The following CLCNKA variants were observed in gnomAD, a reference collection of about 807,000 sequenced individuals.
CLCNKA encodes the protein chloride voltage-gated channel Ka.
In CLCNKA, 66 loss-of-function variants were observed where a neutral mutation model predicts 83.3. The observed-to-expected ratio is 0.79, with a 90% CI of 0.65 to 0.97. The LOEUF is 0.97. CLCNKA is among the 50% of genes least tolerant of loss of function. The probability of loss-of-function intolerance (pLI) is 0.00; values close to 1 mark genes in which losing one functional copy is unlikely to be tolerated. For missense variants in CLCNKA, 806 were observed against 888.7 expected (o/e 0.91, Z 1.18); for synonymous variants, 357 against 370.4 (o/e 0.96, Z 0.42).
intron 7 of CLCNKA, among the ~76,000 whole-genome samples, 165 bp from the exon 8 acceptor site, chr1:16,027,145 C>T (rs1049197615): frequency 5.3e-4 from 80 of 152,312 alleles, no homozygotes; most frequent in African/African-American, 1.8e-3. Context: ...CAGCGGGGTC[C>T]TCCCCGCCCA....
chr1:16,026,714 C>T lies in CLCNKA; in HGVS notation c.594C>T (p.Asn198=), dbSNP rs1570300620. ...TCCCCCAGAACAAGAGCAAGCAAAA[C>T]GAAATGCTGGTGGCAGCGGCGGCAG... ...IGEPENKSKQ[N]EMLVAAAAVG... The change falls in exon 7 of 20, where the codon AAC becomes AAT. Residue 198 remains asparagine, a synonymous_variant. Coordinates refer to ENST00000331433, the MANE Select transcript of CLCNKA (RefSeq NM_004070.4). The T allele has an allele frequency of 1.2e-6, 2 of 1,613,808 alleles. No homozygotes were observed. Among genetic ancestry groups the T allele is most frequent in the South Asian group, 1.1e-5 (1 of 91,064 alleles).
chr1:16,031,229 T>C (rs2022611758), intron 15 of CLCNKA, among the ~76,000 whole-genome samples: 1 of 152,206 alleles, frequency 6.6e-6, no homozygotes, highest in South Asian at 2.1e-4. Flanking sequence ...TCTGAACCTG[T>C]TTCCCCATCG....
rs1343562711 is a variant in CLCNKA, at chr1:16,033,276, A to C, written c.2016+20A>C. 1.9e-6 allele frequency: 3 copies of C among 1,613,040 alleles called. No individual in the cohort carries two copies. The African/African-American group carries it at 4.0e-5, about 22-fold the overall frequency. ...GTGGAGGTACCAGGGTCCCGGGGGCAGAGCAAAGCAGGGGACCCATGCCTG... is the reference window on the plus strand; with the variant it reads ...GTGGAGGTACCAGGGTCCCGGGGGCCGAGCAAAGCAGGGGACCCATGCCTG... On this transcript the variant is annotated intron_variant, in intron 19 of 19. Coordinates refer to ENST00000331433, the MANE Select transcript of CLCNKA (RefSeq NM_004070.4).
chr1:16,026,911 T>A, intron 7 of CLCNKA, 136 bp downstream of exon 7: 3 of 1,176,766 alleles, frequency 2.5e-6, no homozygotes, highest in Non-Finnish European at 3.7e-6. Context: ...CCGCTTTGGG[T>A]ATAGCCACCC....
intron 14 of CLCNKA, 97 bp from the exon 15 acceptor site, chr1:16,030,364 C>T (rs1191123456): frequency 5.4e-6 from 8 of 1,474,768 alleles, no homozygotes; most frequent in Non-Finnish European, 7.5e-6. Flanking sequence ...ACAATTCCCA[C>T]CCTAGCCCCC....
intron 10 of CLCNKA, 79 bp from the exon 11 acceptor site, chr1:16,028,682 C>G: frequency 6.4e-7 from 1 of 1,557,878 alleles, no homozygotes. Flanking sequence ...TCTGCTGCTG[C>G]CTGGACCAGG....
At chr1:16,028,500 T>G in intron 10 of CLCNKA, 1 of 645,518 alleles carries the variant, frequency 1.5e-6, no homozygotes, top group Non-Finnish European at 2.8e-6. Flanking sequence ...CCTCCTAGCC[T>G]GCCTCTGCCC....
chr1:16,031,179 C>T (rs1012413799), intron 15 of CLCNKA, among the ~76,000 whole-genome samples: 5 of 152,220 alleles, frequency 3.3e-5, no homozygotes, highest in African/African-American at 1.2e-4. Flanking sequence ...GAGTCCGAAT[C>T]GGAGGCCCCG....
chr1:16,033,179 C>G lies in CLCNKA; in HGVS notation c.1939C>G (p.Leu647Val). 6.2e-7 allele frequency: 1 copy of G among 1,614,160 alleles called. No individual in the cohort carries two copies. The highest frequency in any genetic ancestry group is 8.5e-7 in the Non-Finnish European group (1 of 1,180,002). ...ACAATCCCCCATCCAGGCACAAAACCTCTTTAAGCTGTTGAACCTTCAGTC... is the reference window on the plus strand; with the variant it reads ...ACAATCCCCCATCCAGGCACAAAACGTCTTTAAGCTGTTGAACCTTCAGTC... The part of the protein sequence containing the change: ...SETTLHQAQN[L>V]FKLLNLQSLF... The change falls in exon 19 of 20, where the codon CTC becomes GTC. Residue 647 changes from leucine (L) to valine (V), a missense_variant. Leu to Val is a conservative substitution (Grantham distance 32). Transcript: ENST00000331433.
At chr1:16,032,181 C>A (rs1465199512) in intron 16 of CLCNKA, 22 bp from the exon 17 acceptor site, 31 of 1,602,926 alleles carry the variant, frequency 1.9e-5, no homozygotes, top group Non-Finnish European at 2.5e-5. Context: ...CACCTCCCTC[C>A]CTCTCCCTCT....
intron 14 of CLCNKA, among the ~76,000 whole-genome samples, 185 bp from the exon 15 acceptor site, chr1:16,030,276 G>A (rs2022570624): frequency 6.6e-6 from 1 of 152,186 alleles, no homozygotes; most frequent in Non-Finnish European, 1.5e-5. Context: ...CCCCAGCCCT[G>A]CGGCCTCCCT....
Position 16,032,500 on chromosome 1 carries a change from C to A in CLCNKA, c.1903C>A (p.Leu635Ile). 5 of 1,613,222 alleles carry A rather than the reference C, an allele frequency of 3.1e-6. No individual in the cohort carries two copies. The highest frequency in any genetic ancestry group is 4.2e-6 in the Non-Finnish European group (5 of 1,179,838). The change falls in exon 18 of 20, where the codon CTA becomes ATA. Residue 635 changes from leucine to isoleucine, a missense_variant. Physicochemically the swap from Leu to Ile is conservative, Grantham distance 5. Transcript: ENST00000331433. ...CCCCACGGAACCAGTGACCCTGACG[C>A]TATTCTCAGAGACCACCTTGCACCA... The part of the protein sequence containing the change: ...GCPTEPVTLT[L>I]FSETTLHQAQ...
intron 14 of CLCNKA, 136 bp downstream of exon 14, chr1:16,030,211 G>T: frequency 1.3e-6 from 1 of 753,984 alleles, no homozygotes; most frequent in East Asian, 2.7e-5. Flanking sequence ...ATGGGGGTCT[G>T]TCCCTCCTGA....
chr1:16,024,764 A>G lies in CLCNKA; in HGVS notation c.231A>G (p.Ala77=), dbSNP rs758149333. Reference sequence around the variant, plus strand: ...TCCCTGATACGCGGCTGTCCCCAGCACACCAGTGGCTGTACAGGGAGATTG... The same window carrying G: ...TCCCTGATACGCGGCTGTCCCCAGCGCACCAGTGGCTGTACAGGGAGATTG... The part of the protein sequence containing the change: ...MNFAIGCVVR[A]HQWLYREIGD... Residue 77 remains alanine (A), a splice_region_variant and synonymous_variant, in exon 4 of 20, where the codon GCA becomes GCG. Coordinates refer to ENST00000331433, the MANE Select transcript of CLCNKA (RefSeq NM_004070.4). 14 of 1,614,046 alleles carry G rather than the reference A, an allele frequency of 8.7e-6. No homozygotes were observed. The highest frequency in any genetic ancestry group is 2.2e-5 in the East Asian group (1 of 44,872).
intron 8 of CLCNKA, 128 bp downstream of exon 8, chr1:16,027,563 T>C (rs1317192896): frequency 2.6e-6 from 4 of 1,513,884 alleles, no homozygotes; most frequent in Non-Finnish European, 2.7e-6. Flanking sequence ...TCCTCCGTGT[T>C]CCCACCTCCT....
intron 11 of CLCNKA, 23 bp from the exon 12 acceptor site, chr1:16,029,103 A>G (rs1364147819): frequency 6.2e-7 from 1 of 1,608,602 alleles, no homozygotes; most frequent in Non-Finnish European, 8.5e-7. Context: ...CCTCATGTCC[A>G]GTTCCCACCT....
chr1:16,026,841 C>T (rs561745386), intron 7 of CLCNKA, 66 bp downstream of exon 7: 44 of 1,585,448 alleles, frequency 2.8e-5, no homozygotes, highest in East Asian at 1.8e-4. Flanking sequence ...CCTGGGCTCC[C>T]TCGGCCCAGC....
Position 16,030,583 on chromosome 1 carries a change from A to G in CLCNKA, c.1531A>G (p.Ile511Val). Reference sequence around the variant, plus strand: ...GATGGCGGTGCTGGCAGCCAACGCCATTGCACAGAGCTGCCAGCCCTCCTT... The same window carrying G: ...GATGGCGGTGCTGGCAGCCAACGCCGTTGCACAGAGCTGCCAGCCCTCCTT... Reference protein sequence around the residue: ...VLMAVLAANAIAQSCQPSFYD... With the variant: ...VLMAVLAANAVAQSCQPSFYD... The change falls in exon 15 of 20, where the codon ATT becomes GTT. Residue 511 changes from isoleucine to valine, a missense_variant. Ile to Val is a conservative substitution (Grantham distance 29). Coordinates refer to ENST00000331433, the MANE Select transcript of CLCNKA (RefSeq NM_004070.4). 6.2e-7 allele frequency: 1 copy of G among 1,613,058 alleles called. No individual in the cohort carries two copies. The highest frequency in any genetic ancestry group is 8.5e-7 in the Non-Finnish European group (1 of 1,180,040).
chr1:16,026,285 CACCCTACCCTG>C, intron 5 of CLCNKA, 38 bp downstream of exon 5: 1 of 1,608,644 alleles, frequency 6.2e-7, no homozygotes, highest in Non-Finnish European at 8.5e-7. Context: ...CCACCCCGCC[CACCCTACCCTG>C]CCCCAGCTCT....
Sources: allele counts gnomAD v4.1 joint callset (sites outside exome capture counted in the v4.1 genomes callset), GRCh38; gene constraint gnomAD v4.1.1; transcripts MANE v1.5; gene names NCBI Gene and HGNC (gene_info 2026-07-23, HGNC 2026-07-21).